Variants in PTPRD observed in about 807,000 individuals in gnomAD.
PTPRD encodes the protein protein tyrosine phosphatase receptor type D.
PTPRD carries 34 observed loss-of-function variants against 214.5 expected under a neutral mutation model. That is an observed-to-expected ratio of 0.16 (90% CI 0.12 to 0.21). The LOEUF is 0.21. PTPRD is among the 10% of genes least tolerant of loss of function. The probability of loss-of-function intolerance (pLI) is 1.00; values close to 1 mark genes in which losing one functional copy is unlikely to be tolerated. For missense variants in PTPRD, 2,545 were observed against 2,398.7 expected, an observed-to-expected ratio of 1.06 and a Z score of -1.27; for synonymous variants, 1,128 against 845.7, an observed-to-expected ratio of 1.33 and a Z score of -5.79.
In PTPRD at chr9:9,309,949, A is replaced by AT. The variant is rs566713766; in HGVS notation, c.-203+87499dup. Among the ~76,000 whole-genome samples the AT allele has an allele frequency of 6.0e-3, 907 of 151,498 alleles. 8 individuals carry two copies. Among genetic ancestry groups the AT allele is most frequent in the African/African-American group, 0.021 (866 of 41,284 alleles). The stretch of plus-strand genomic sequence containing the variant: ...ATTTCCTCCTTATAATGGTGTGAAG[A>AT]TTTTTTTTTCCCTTACATAGGATTA... On this transcript the variant is annotated intron_variant, in intron 9 of 45. Coordinates refer to ENST00000381196, the MANE Select transcript of PTPRD (RefSeq NM_002839.4).
At chr9:9,940,712 C>T (rs2091220617) in intron 4 of PTPRD, among the ~76,000 whole-genome samples, 1 of 152,142 alleles carries the variant, frequency 6.6e-6, no homozygotes, top group Non-Finnish European at 1.5e-5. Flanking sequence ...TCCAGTCATG[C>T]TGAGCTCTTC....
chr9:9,503,192 G>C (rs1388849164), intron 8 of PTPRD, among the ~76,000 whole-genome samples: 2 of 151,718 alleles, frequency 1.3e-5, no homozygotes, highest in South Asian at 2.1e-4. Context: ...ACTCCTTTTT[G>C]AGAGTTATTC....
At chr9:10,289,820 T>C (rs1246914920) in intron 3 of PTPRD, among the ~76,000 whole-genome samples, 2 of 152,082 alleles carry the variant, frequency 1.3e-5, no homozygotes, top group South Asian at 2.1e-4. Context: ...TACAAGAAAT[T>C]GTAATAAAGA....
intron 5 of PTPRD, among the ~76,000 whole-genome samples, chr9:9,930,158 G>C (rs1357914187): frequency 6.6e-6 from 1 of 152,144 alleles, no homozygotes; most frequent in African/African-American, 2.4e-5. Flanking sequence ...GCTCAAGGGA[G>C]GAAGGAAAAA....
intron 2 of PTPRD, among the ~76,000 whole-genome samples, chr9:10,378,105 T>C (rs1453129221): frequency 6.6e-6 from 1 of 152,092 alleles, no homozygotes; most frequent in Non-Finnish European, 1.5e-5. Context: ...ATAAGCATTT[T>C]AAATGGAGAG....
At chr9:9,837,667 T>C (rs1012969941) in intron 5 of PTPRD, among the ~76,000 whole-genome samples, 2 of 152,130 alleles carry the variant, frequency 1.3e-5, no homozygotes, top group Admixed American at 6.6e-5. Flanking sequence ...GTCAGTGACA[T>C]GAGGGGAGTG....
chr9:8,723,610 T>TGTTAAAAAAAAATG, intron 12 of PTPRD, among the ~76,000 whole-genome samples: 1 of 152,200 alleles, frequency 6.6e-6, no homozygotes, highest in South Asian at 2.1e-4. Context: ...GTTACTGAAA[T>TGTTAAAAAAAAATG]TTGTTTTAAA....
At chr9:9,687,464 G>A (rs1283527960) in intron 7 of PTPRD, among the ~76,000 whole-genome samples, 1 of 151,666 alleles carries the variant, frequency 6.6e-6, no homozygotes, top group African/African-American at 2.4e-5. Context: ...ATTCCCAAAT[G>A]TCAGACACCA....
chr9:8,614,885 C>G (rs890292051), intron 14 of PTPRD, among the ~76,000 whole-genome samples: 1 of 152,152 alleles, frequency 6.6e-6, no homozygotes, highest in African/African-American at 2.4e-5. Context: ...GTAACTCCAC[C>G]AAGGAAGAGG....
intron 2 of PTPRD, among the ~76,000 whole-genome samples, chr9:10,379,224 G>T (rs191124769): frequency 1.3e-5 from 2 of 150,252 alleles, no homozygotes; most frequent in African/African-American, 4.9e-5. Flanking sequence ...TAAAGGATTT[G>T]TTTGTTAGTT....
At chr9:9,867,304 T>C (rs898979554) in intron 5 of PTPRD, among the ~76,000 whole-genome samples, 1 of 152,178 alleles carries the variant, frequency 6.6e-6, no homozygotes, top group Non-Finnish European at 1.5e-5. Context: ...CAGCTATGAA[T>C]AATGAAATCA....
intron 7 of PTPRD, among the ~76,000 whole-genome samples, chr9:9,655,047 A>G (rs917293548): frequency 1.3e-5 from 2 of 152,044 alleles, no homozygotes; most frequent in Non-Finnish European, 2.9e-5. Context: ...CCTATCTGAA[A>G]TGTTTACTTT....
At chr9:10,398,370 T>G (rs541076817) in intron 2 of PTPRD, among the ~76,000 whole-genome samples, 1 of 151,552 alleles carries the variant, frequency 6.6e-6, no homozygotes, top group African/African-American at 2.4e-5. Context: ...TACAGATATG[T>G]CTATATCTAT....
chr9:9,392,637 C>A (rs1316364100), intron 9 of PTPRD, among the ~76,000 whole-genome samples: 2 of 152,070 alleles, frequency 1.3e-5, no homozygotes, highest in Non-Finnish European at 2.9e-5. Flanking sequence ...ATAAAGAGAT[C>A]CTTTCAAAGT....
intron 5 of PTPRD, among the ~76,000 whole-genome samples, chr9:9,823,422 G>C (rs1042411944): frequency 6.6e-6 from 1 of 152,076 alleles, no homozygotes; most frequent in Non-Finnish European, 1.5e-5. Context: ...GGAGGGATCT[G>C]TCCCCATGAC....
intron 9 of PTPRD, among the ~76,000 whole-genome samples, chr9:9,218,750 T>C (rs147348405): frequency 6.6e-6 from 1 of 152,204 alleles, no homozygotes; most frequent in East Asian, 1.9e-4. Context: ...ATTCTTCTAG[T>C]ATGAGAATAC....
intron 7 of PTPRD, among the ~76,000 whole-genome samples, chr9:9,703,702 T>C (rs1226834898): frequency 2.0e-5 from 3 of 152,204 alleles, no homozygotes; most frequent in Non-Finnish European, 4.4e-5. Flanking sequence ...TATTTGTTAA[T>C]AAGTGATTTT....
chr9:8,714,856 T>A (rs1297802701), intron 12 of PTPRD, among the ~76,000 whole-genome samples: 3 of 152,194 alleles, frequency 2.0e-5, no homozygotes, highest in Non-Finnish European at 4.4e-5. Context: ...TATACTTTCC[T>A]ATTTATCAAT....
intron 11 of PTPRD, among the ~76,000 whole-genome samples, chr9:8,921,470 A>G (rs1348544379): frequency 6.6e-6 from 1 of 151,732 alleles, no homozygotes; most frequent in Admixed American, 6.6e-5. Flanking sequence ...GCTTATGAAT[A>G]TGTATTTTTT....
Sources: allele counts gnomAD v4.1 joint callset (sites outside exome capture counted in the v4.1 genomes callset), GRCh38; gene constraint gnomAD v4.1.1; transcripts MANE v1.5; gene names NCBI Gene and HGNC (gene_info 2026-07-23, HGNC 2026-07-21).